The following PCDH15 variants were observed in gnomAD, a reference collection of about 807,000 sequenced individuals.
PCDH15 encodes the protein protocadherin-15.
A neutral mutation model predicts 178.5 loss-of-function variants in PCDH15; 129 were observed. That is an observed-to-expected ratio of 0.72 (90% CI 0.63 to 0.84). The LOEUF (loss-of-function observed/expected upper bound fraction) is 0.84. Ranked by LOEUF, PCDH15 falls within the 40% of genes least tolerant of loss-of-function variation. The pLI is 0.00. For missense variants in PCDH15, 2,230 were observed against 2,099.9 expected (o/e 1.06, Z -1.21); for synonymous variants, 800 against 732.0 (o/e 1.09, Z -1.50).
intron 1 of PCDH15, among the ~76,000 whole-genome samples, chr10:55,286,168 T>A (rs959834013): frequency 2.0e-5 from 3 of 151,922 alleles, no homozygotes; most frequent in African/African-American, 7.2e-5. Flanking sequence ...AAAATCGGCC[T>A]TTTAAAACTT....
chr10:54,499,491 C>A (rs1324432449), intron 3 of PCDH15, among the ~76,000 whole-genome samples: 1 of 151,910 alleles, frequency 6.6e-6, no homozygotes, highest in African/African-American at 2.4e-5. Flanking sequence ...AATAGTGCAA[C>A]AAAAATAGAA....
intron 8 of PCDH15, among the ~76,000 whole-genome samples, chr10:54,253,264 A>C (rs2056642373): frequency 6.6e-6 from 1 of 152,086 alleles, no homozygotes; most frequent in African/African-American, 2.4e-5. Flanking sequence ...CCTTCAATAT[A>C]GGCGAGAATA....
chr10:55,414,769 G>GT (rs1310659404), intron 2 of PCDH15, among the ~76,000 whole-genome samples: 136 of 82,444 alleles, frequency 1.6e-3, no homozygotes, highest in African/African-American at 7.3e-3. Context: ...TTCTAACAAG[G>GT]GGTGTGTGTG....
At chr10:54,971,965 G>T (rs978349766) in intron 2 of PCDH15, among the ~76,000 whole-genome samples, 1 of 152,122 alleles carries the variant, frequency 6.6e-6, no homozygotes, top group Admixed American at 6.6e-5. Flanking sequence ...TCCCCAGGCA[G>T]GACACTGTCG....
At chr10:54,976,332 C>T (rs1041846132) in intron 2 of PCDH15, among the ~76,000 whole-genome samples, 1 of 151,990 alleles carries the variant, frequency 6.6e-6, no homozygotes, top group African/African-American at 2.4e-5. Context: ...TCACTGAGAC[C>T]ATGGTATTGT....
intron 26 of PCDH15, among the ~76,000 whole-genome samples, chr10:53,876,393 G>A (rs2080245358): frequency 6.6e-6 from 1 of 151,910 alleles, no homozygotes; most frequent in Non-Finnish European, 1.5e-5. Flanking sequence ...TCGCCATGTT[G>A]GCCACGATGG....
intron 23 of PCDH15, among the ~76,000 whole-genome samples, chr10:53,958,382 A>T (rs189559685): frequency 6.6e-4 from 101 of 152,296 alleles, no homozygotes; most frequent in African/African-American, 2.3e-3. Flanking sequence ...ACTAAACTCT[A>T]CATTTCCTTC....
At position 54,552,700 on chromosome 10, in the gene PCDH15, G is replaced by A. The variant is rs191478561; in HGVS notation, c.92-24823C>T. On this transcript the variant is annotated intron_variant, in intron 2 of 37. Coordinates refer to ENST00000644397, the MANE Select transcript of PCDH15 (RefSeq NM_001384140.1). ...ACATACAAAAGAGTATCTAGTGGAT[G>A]GTAAGTGTAAAAGTAGTATTAACTA... Among the ~76,000 whole-genome samples, 3 of 152,170 alleles carry A rather than the reference G, an allele frequency of 2.0e-5. No individual in the cohort carries two copies. In the East Asian group the frequency reaches 5.8e-4, roughly 29 times the overall value.
intron 1 of PCDH15, among the ~76,000 whole-genome samples, chr10:54,731,563 T>TACACACAC (rs1159070523): frequency 0.011 from 541 of 49,912 alleles, 17 homozygotes; most frequent in African/African-American, 0.029. Flanking sequence ...TATATATATA[T>TACACACAC]ACACACACAC....
intron 2 of PCDH15, among the ~76,000 whole-genome samples, chr10:55,491,188 G>T (rs536113941): frequency 7.2e-5 from 11 of 151,756 alleles, no homozygotes; most frequent in African/African-American, 2.4e-4. Flanking sequence ...GGAACGTGTG[G>T]TCAAGAAGAC....
intron 1 of PCDH15, among the ~76,000 whole-genome samples, chr10:54,686,263 T>C (rs1025176723): frequency 6.6e-6 from 1 of 151,896 alleles, no homozygotes; most frequent in African/African-American, 2.4e-5. Context: ...TATATAAATA[T>C]AGATTATTTT....
At chr10:54,173,771 ATAAT>A (rs1455586677) in intron 13 of PCDH15, among the ~76,000 whole-genome samples, 1 of 152,192 alleles carries the variant, frequency 6.6e-6, no homozygotes, top group Admixed American at 6.5e-5. Flanking sequence ...ATTTGAGCCT[ATAAT>A]TAAGTGAGAG....
chr10:54,735,468 G>A (rs1943975948), intron 1 of PCDH15, among the ~76,000 whole-genome samples: 1 of 151,058 alleles, frequency 6.6e-6, no homozygotes, highest in Non-Finnish European at 1.5e-5. Context: ...CGATTCCTCA[G>A]GGATCTAGAA....
chr10:55,217,338 T>G (rs1840734800), intron 1 of PCDH15, among the ~76,000 whole-genome samples: 1 of 151,968 alleles, frequency 6.6e-6, no homozygotes, highest in African/African-American at 2.4e-5. Context: ...ACAAATTGGT[T>G]TTTGCCATAA....
At chr10:55,379,779 G>T (rs761360317) in intron 2 of PCDH15, among the ~76,000 whole-genome samples, 7 of 152,058 alleles carry the variant, frequency 4.6e-5, no homozygotes, top group African/African-American at 7.2e-5. Context: ...GGGCAACAAA[G>T]TGTATCAGAC....
chr10:55,522,103 A>AT (rs1841190029), intron 2 of PCDH15, among the ~76,000 whole-genome samples: 3 of 151,854 alleles, frequency 2.0e-5, no homozygotes, highest in African/African-American at 7.2e-5. Context: ...TCTATTTTTA[A>AT]TTTTTTTAGG....
At chr10:54,365,532 A>G (rs12764585) in intron 5 of PCDH15, among the ~76,000 whole-genome samples, 42,645 of 151,964 alleles carry the variant, frequency 0.28, 7,528 homozygotes, top group Non-Finnish European at 0.4. Context: ...AACTTGAGAT[A>G]AATTCTTCAC....
At chr10:53,809,177 C>T (rs1250867477) in intron 37 of PCDH15, 1 of 1,613,914 alleles carries the variant, frequency 6.2e-7, no homozygotes, top group Non-Finnish European at 8.5e-7. Context: ...GACTCAGATT[C>T]CTCTTCTGTA....
At chr10:54,469,426 A>G (rs182502414) in intron 3 of PCDH15, among the ~76,000 whole-genome samples, 45 of 152,278 alleles carry the variant, frequency 3.0e-4, no homozygotes, top group African/African-American at 1.0e-3. Flanking sequence ...CTATTAAGCC[A>G]GTCTATATCA....
Sources: gnomAD v4.1 joint callset for allele counts (sites outside exome capture counted in the v4.1 genomes callset) on GRCh38, gnomAD v4.1.1 for gene constraint, MANE v1.5 for transcripts, NCBI Gene and HGNC (gene_info 2026-07-23, HGNC 2026-07-21) for gene names.